Variants in RNF166 observed in about 807,000 individuals in gnomAD.
The protein encoded by RNF166 is ring finger protein 166, also known as E3 ubiquitin-protein ligase RNF166.
RNF166 carries 19 observed loss-of-function variants against 29.4 expected under a neutral mutation model. The ratio of observed to expected loss-of-function variants is 0.65; its 90% CI spans 0.45 to 0.95. The LOEUF (loss-of-function observed/expected upper bound fraction) is 0.95. RNF166 is among the 40% of genes least tolerant of loss of function. RNF166 has a pLI of 0.00. For missense variants in RNF166, 347 were observed against 322.1 expected (o/e 1.08, Z -0.59); for synonymous variants, 171 against 134.5 (o/e 1.27, Z -1.88).
intron 3 of RNF166, 127 bp downstream of exon 3, chr16:88,699,493 A>C: frequency 1.4e-6 from 1 of 711,308 alleles, no homozygotes; most frequent in Non-Finnish European, 2.3e-6. Flanking sequence ...AGGAAGGTCC[A>C]CTTCCCCAGA....
chr16:88,703,514 C>T (rs1447051097), intron 1 of RNF166: 2 of 985,260 alleles, frequency 2.0e-6, no homozygotes, highest in African/African-American at 3.5e-5. Context: ...GCGGCTGGGC[C>T]CGAGGAGCAG....
Position 88,706,268 on chromosome 16 carries a change from G to A in RNF166, c.58C>T (p.Pro20Ser). The change falls in exon 1 of 6, where the codon CCG (proline) becomes TCG (serine). Residue 20 changes from proline to serine, a missense_variant. Physicochemically the swap from Pro to Ser is moderately conservative, Grantham distance 74 (BLOSUM62 -1). Transcript: ENST00000312838. The stretch of plus-strand genomic sequence containing the variant: ...TCCAGGCCGCTGTCGCCGCCCGCCG[G>A]CCCGGCCGGCGGCTGCCGCTGCTGA... ...SAQQRQPPAG[P>S]AGGDSGLEAQ... 2.3e-6 allele frequency: 3 copies of A among 1,299,350 alleles called. No individual in the cohort carries two copies. Among genetic ancestry groups the A allele is most frequent in the Non-Finnish European group, 2.9e-6 (3 of 1,022,052 alleles). 80.5% of individuals were successfully genotyped at this position (1,299,350 alleles called of 1,614,324 possible).
At chr16:88,703,193 C>A (rs1021880371) in intron 1 of RNF166, 2 of 977,928 alleles carry the variant, frequency 2.0e-6, no homozygotes, top group Non-Finnish European at 1.2e-6. Flanking sequence ...GGGTGCCAGG[C>A]GAGGGGGAGA....
At chr16:88,701,067 C>T (rs1179195541) in intron 2 of RNF166, 195 bp downstream of exon 2, 14 of 1,312,466 alleles carry the variant, frequency 1.1e-5, no homozygotes, top group South Asian at 1.5e-5. Flanking sequence ...CCCCGTCAGC[C>T]GTCACCACAG....
rs113652548 is a variant in RNF166, at chr16:88,699,162, G to A, written c.426-77C>T. ...GCCTCCCCGCTTCTCTCAAACACAG[G>A]CGTGGCCCCAGGCCTGCCCTCTGTA... On this transcript the variant is annotated intron_variant, in intron 3 of 5. Coordinates refer to ENST00000312838, the MANE Select transcript of RNF166 (RefSeq NM_178841.4). The A allele has an allele frequency of 2.8e-3, 3,041 of 1,071,514 alleles. 26 individuals carry two copies. Among genetic ancestry groups the A allele is most frequent in the Middle Eastern group, 0.023 (109 of 4,722 alleles). 66.4% of individuals were successfully genotyped at this position (1,071,514 alleles called of 1,614,324 possible). A position where few individuals can be genotyped will look rare whatever the true frequency, so the allele number is the denominator to read the frequency against.
chr16:88,700,563 T>C (rs1023797149), intron 2 of RNF166: 16 of 968,582 alleles, frequency 1.7e-5, no homozygotes, highest in Non-Finnish European at 2.0e-5. Context: ...GAGCGCTTCA[T>C]AGAACTTATT....
rs1471939492 is a variant in RNF166, at chr16:88,701,374, G to C, written c.200C>G (p.Pro67Arg). 1 of 1,612,116 alleles carries C rather than the reference G, an allele frequency of 6.2e-7. No individual in the cohort carries two copies. Among genetic ancestry groups the C allele is most frequent in the Non-Finnish European group, 8.5e-7 (1 of 1,179,618 alleles). The change falls in exon 2 of 6, where the codon CCG becomes CGG. Residue 67 changes from proline to arginine, a missense_variant. Coordinates refer to ENST00000312838, the MANE Select transcript of RNF166 (RefSeq NM_178841.4). The stretch of plus-strand genomic sequence containing the variant: ...GGGCAGGCGGCAGAGTGGGCACAGC[G>C]GGGATGGCACCTGCAGGCAGGGCTG... Reference protein sequence around the residue: ...CLQPCLQVPSPLCPLCRLPFD... With the variant: ...CLQPCLQVPSRLCPLCRLPFD...
chr16:88,697,455 G>A lies in RNF166; in HGVS notation c.*113C>T, dbSNP rs938613551. On this transcript the variant is annotated 3_prime_UTR_variant, in exon 6 of 6. Coordinates refer to ENST00000312838, the MANE Select transcript of RNF166 (RefSeq NM_178841.4). The stretch of plus-strand genomic sequence containing the variant: ...CCGGCTCCCCTTCTGCGCGGGTGCA[G>A]GCTCCTCCTGTGAGCTCAGTCCGGT... 7.6e-5 allele frequency: 58 copies of A among 765,226 alleles called. No homozygotes were observed. The African/African-American group carries it at 9.5e-4, about 13-fold the overall frequency. 47.4% of individuals were successfully genotyped at this position (765,226 alleles called of 1,614,324 possible).
intron 1 of RNF166, among the ~76,000 whole-genome samples, chr16:88,705,082 C>G (rs1363990979): frequency 6.6e-6 from 1 of 152,214 alleles, no homozygotes; most frequent in African/African-American, 2.4e-5. Flanking sequence ...AGCAGCCTCA[C>G]AAGAGAAGTA....
rs1910117246 is a variant in RNF166, at chr16:88,700,595, G to A, written c.312+667C>T. On this transcript the variant is annotated intron_variant, in intron 2 of 5. Transcript: ENST00000312838. ...TATTCACCTGAGATGTGGCAACGTC[G>A]GGAAACGCAAATGCAAAATCACCTC... 6.1e-6 allele frequency: 6 copies of A among 985,330 alleles called. No homozygotes were observed. In the South Asian group the frequency reaches 1.4e-4, roughly 23 times the overall value. 61.0% of individuals were successfully genotyped at this position (985,330 alleles called of 1,614,324 possible).
rs1909719162 is a variant in RNF166 at position 88,697,235 on chromosome 16, G to A, written c.*333C>T. The A allele has an allele frequency of 9.0e-6, 2 of 222,580 alleles. No homozygotes were observed. Among genetic ancestry groups the A allele is most frequent in the East Asian group, 2.1e-4 (2 of 9,750 alleles). The allele number at this position is 222,580 out of a possible 1,614,324, so 13.8% of individuals were successfully genotyped here. On this transcript the variant is annotated 3_prime_UTR_variant, in exon 6 of 6. Transcript: ENST00000312838. ...ACTGCGGAGCGCGACTCGCGCGTCG[G>A]TCCCTTCTTCCCACGAGGGGGTATC... is the stretch of plus-strand genomic sequence containing the variant.
chr16:88,704,438 C>T lies in RNF166; in HGVS notation c.155+1733G>A, dbSNP rs78126305. 6.1e-3 allele frequency: 6,050 copies of T among 985,378 alleles called. 27 individuals carry two copies. Among genetic ancestry groups the T allele is most frequent in the Non-Finnish European group, 6.8e-3 (5,682 of 829,924 alleles). The allele number at this position is 985,378 out of a possible 1,614,324, so 61.0% of individuals were successfully genotyped here. A position where few individuals can be genotyped will look rare whatever the true frequency, so the allele number is the denominator to read the frequency against. On this transcript the variant is annotated intron_variant, in intron 1 of 5. Coordinates refer to ENST00000312838, the MANE Select transcript of RNF166 (RefSeq NM_178841.4). ...AGGGGAGTTTTATAGGAAAGATGCT[C>T]CACAATTCCATGTGGTTCTGCATTC...
intron 1 of RNF166, chr16:88,703,162 G>A (rs766979235): frequency 1.4e-4 from 137 of 985,178 alleles, no homozygotes; most frequent in Non-Finnish European, 1.6e-4. Context: ...GAGAAACCCA[G>A]TGACCAGAAA....
intron 1 of RNF166, chr16:88,703,130 C>T (rs1910429554): frequency 1.1e-5 from 11 of 985,446 alleles, no homozygotes; most frequent in African/African-American, 1.7e-5. Context: ...TGGGGGTCCA[C>T]TCACGCTCAA....
chr16:88,698,812 G>A (rs1052598132), intron 4 of RNF166, among the ~76,000 whole-genome samples, 159 bp downstream of exon 4: 2 of 152,174 alleles, frequency 1.3e-5, no homozygotes, highest in Non-Finnish European at 2.9e-5. Flanking sequence ...CCCGGTTTCC[G>A]CCAGGTGCTG....
chr16:88,698,473 G>T, intron 5 of RNF166, 29 bp downstream of exon 5: 1 of 1,514,026 alleles, frequency 6.6e-7, no homozygotes, highest in Non-Finnish European at 9.0e-7. Context: ...GGAGGGCGTG[G>T]GGGAGGACGG....
At chr16:88,702,798 C>T (rs772642768) in intron 1 of RNF166, 27 of 985,396 alleles carry the variant, frequency 2.7e-5, no homozygotes, top group Non-Finnish European at 3.3e-5. Flanking sequence ...ACCAGGCGCC[C>T]CAGCAGATAT....
chr16:88,704,199 G>C, intron 1 of RNF166: 1 of 985,472 alleles, frequency 1.0e-6, no homozygotes, highest in African/African-American at 1.7e-5. Context: ...GGAACCTGAA[G>C]AGCCTTTAAA....
At chr16:88,701,498 G>T (rs1318471545) in intron 1 of RNF166, 80 bp from the exon 2 acceptor site, 2 of 1,375,214 alleles carry the variant, frequency 1.5e-6, no homozygotes, top group Admixed American at 5.4e-5. Flanking sequence ...CCCTTCTTAG[G>T]ACCCAGCATT....
Sources: gnomAD v4.1 joint callset for allele counts (sites outside exome capture counted in the v4.1 genomes callset) on GRCh38, gnomAD v4.1.1 for gene constraint, MANE v1.5 for transcripts, NCBI Gene and HGNC (gene_info 2026-07-23, HGNC 2026-07-21) for gene names.